The following MYOCD variants were observed in gnomAD, a reference collection of about 807,000 sequenced individuals.
The protein encoded by MYOCD is myocardin.
A neutral mutation model predicts 96.1 loss-of-function variants in MYOCD; 32 were observed. The observed-to-expected ratio is 0.33, with a 90% CI of 0.25 to 0.45. The LOEUF (loss-of-function observed/expected upper bound fraction) is 0.45, where lower values mean the gene tolerates loss of function less well. Ranked by LOEUF, MYOCD falls within the 20% of genes least tolerant of loss-of-function variation. The pLI, the probability that MYOCD is intolerant of heterozygous loss-of-function variation, is 1.00. For synonymous variants in MYOCD, 469 were observed against 469.0 expected (o/e 1.00, Z 0.00); for missense variants, 1,133 against 1,200.6 (o/e 0.94, Z 0.83).
Position 12,752,802 on chromosome 17 carries a change from C to G in MYOCD, c.1514C>G (p.Ser505Cys). 2 of 1,614,110 alleles carry G rather than the reference C, an allele frequency of 1.2e-6. No individual in the cohort carries two copies. Among genetic ancestry groups the G allele is most frequent in the South Asian group, 1.1e-5 (1 of 91,066 alleles). ...ESLMSSLNGG[S>C]VPSELDGLDS... ...CTCATGAGCAGCCTGAATGGGGGCT[C>G]TGTTCCTTCTGAGCTGGATGGGCTG... Residue 505 changes from serine (S) to cysteine (C), a missense_variant, in exon 10 of 14, where the codon TCT (serine) becomes TGT (cysteine). Ser to Cys is a moderately radical substitution (Grantham distance 112). Coordinates refer to ENST00000425538, the MANE Select transcript of MYOCD (RefSeq NM_001146312.3).
intron 10 of MYOCD, among the ~76,000 whole-genome samples, chr17:12,755,525 A>G (rs1032623399): frequency 1.3e-5 from 2 of 152,064 alleles, no homozygotes; most frequent in Non-Finnish European, 2.9e-5. Context: ...AGTGGATCAC[A>G]AGGTCAGGAG....
rs2033354699 is a variant in MYOCD, at chr17:12,766,950, AAG to A, written c.*3309_*3310del. 6.6e-6 allele frequency: 1 copy of A among 151,134 alleles called. No homozygotes were observed. The highest frequency in any genetic ancestry group is 6.6e-5 in the Admixed American group (1 of 15,136). The allele number at this position is 151,134 out of a possible 1,614,324, so 9.4% of individuals were successfully genotyped here. ...AACACATATTCTATTCTAAGGGAGA[AAG>A]AGGGAGGAAGAGAGGGAGGGAGGGA... is the stretch of plus-strand genomic sequence containing the variant. On this transcript the variant is annotated 3_prime_UTR_variant, in exon 14 of 14. Transcript: ENST00000425538.
chr17:12,733,776 A>C (rs2032250898), intron 5 of MYOCD, among the ~76,000 whole-genome samples: 1 of 151,944 alleles, frequency 6.6e-6, no homozygotes. Flanking sequence ...CTGAGGCCAG[A>C]GAATCACTTA....
At chr17:12,737,965 A>T (rs1264660780) in intron 6 of MYOCD, among the ~76,000 whole-genome samples, 3 of 152,194 alleles carry the variant, frequency 2.0e-5, no homozygotes, top group African/African-American at 7.2e-5. Flanking sequence ...CTTCCCCTGC[A>T]TGCCACAGCT....
At chr17:12,748,160 C>CAAAAAAAAAAAAAAAAA (rs58002174) in intron 9 of MYOCD, among the ~76,000 whole-genome samples, 1 of 90,592 alleles carries the variant, frequency 1.1e-5, no homozygotes, top group Non-Finnish European at 2.2e-5. Flanking sequence ...GACTCCGTCT[C>CAAAAAAAAAAAAAAAAA]AAAAAAAAAA....
chr17:12,746,356 C>T (rs1185763847), intron 9 of MYOCD, among the ~76,000 whole-genome samples: 4 of 152,216 alleles, frequency 2.6e-5, no homozygotes, highest in South Asian at 2.1e-4. Context: ...GACATGGCAC[C>T]AGTATCTGGC....
intron 7 of MYOCD, among the ~76,000 whole-genome samples, 169 bp downstream of exon 7, chr17:12,739,497 C>T (rs2032444617): frequency 6.6e-6 from 1 of 152,232 alleles, no homozygotes; most frequent in Admixed American, 6.5e-5. Context: ...AGAAATGGGT[C>T]ACCATCCTTG....
intron 11 of MYOCD, among the ~76,000 whole-genome samples, chr17:12,757,314 C>T (rs1022578830): frequency 1.3e-5 from 2 of 152,082 alleles, no homozygotes; most frequent in South Asian, 2.1e-4. Flanking sequence ...TACCACAAGT[C>T]GGAAGGGGCA....
Position 12,722,948 on chromosome 17 carries a change from C to T in MYOCD, c.355C>T (p.Leu119=). 1 of 1,613,994 alleles carries T rather than the reference C, an allele frequency of 6.2e-7. No individual in the cohort carries two copies. Among genetic ancestry groups the T allele is most frequent in the Non-Finnish European group, 8.5e-7 (1 of 1,179,954 alleles). ...NEKIALRPGP[L]ELVEKNILPV... ...AAAAATTGCTCTACGACCAGGGCCA[C>T]TGGAGCTGGTGGAAAAAAACATTCT... Residue 119 remains leucine (L), a synonymous_variant, in exon 5 of 14, where the codon CTG becomes TTG. Coordinates refer to ENST00000425538, the MANE Select transcript of MYOCD (RefSeq NM_001146312.3).
intron 1 of MYOCD, among the ~76,000 whole-genome samples, chr17:12,670,233 C>T (rs1047086657): frequency 6.6e-6 from 1 of 152,166 alleles, no homozygotes; most frequent in African/African-American, 2.4e-5. Flanking sequence ...TAGTGGGACC[C>T]ACCCCACTGT....
rs2031613693 is a variant in MYOCD at position 12,715,556 on chromosome 17, A to G, written c.159A>G (p.Lys53=). 6.2e-7 allele frequency: 1 copy of G among 1,613,814 alleles called. No homozygotes were observed. Residue 53 remains lysine (K), a synonymous_variant, in exon 3 of 14, where the codon AAA becomes AAG. Transcript: ENST00000425538. ...KRPAEFHEQR[K]HLDSDKAKNS... ...CAGCTGAATTCCATGAGCAAAGAAA[A>G]CATTTGGATAGTGACAAGGTAATTT...
At position 12,767,619 on chromosome 17, in the gene MYOCD, A is replaced by AG. The variant is rs1662265091; in HGVS notation, c.*3975_*3976insG. 6.6e-6 allele frequency: 1 copy of AG among 152,062 alleles called. No homozygotes were observed. The highest frequency in any genetic ancestry group is 2.4e-5 in the African/African-American group (1 of 41,388). The allele number at this position is 152,062 out of a possible 1,614,324, so 9.4% of individuals were successfully genotyped here. ...CCTTTCAGCTACGATGAAAAAAAAAAAGGGGTCTTCATTTTTCCAAGAGGG... is the reference window on the plus strand; with the variant it reads ...CCTTTCAGCTACGATGAAAAAAAAAAGAGGGGTCTTCATTTTTCCAAGAGGG... On this transcript the variant is annotated 3_prime_UTR_variant, in exon 14 of 14. Coordinates refer to ENST00000425538, the MANE Select transcript of MYOCD (RefSeq NM_001146312.3).
intron 1 of MYOCD, among the ~76,000 whole-genome samples, chr17:12,672,547 C>G (rs1909769783): frequency 6.6e-6 from 1 of 152,156 alleles, no homozygotes; most frequent in Non-Finnish European, 1.5e-5. Flanking sequence ...TCATTTATCC[C>G]CAGAAATTTA....
intron 1 of MYOCD, among the ~76,000 whole-genome samples, chr17:12,695,907 C>T (rs1187968776): frequency 6.6e-6 from 1 of 150,600 alleles, no homozygotes; most frequent in Non-Finnish European, 1.5e-5. Context: ...AGATGGACTA[C>T]TCTAGGTACC....
At chr17:12,677,624 A>G (rs1369983338) in intron 1 of MYOCD, among the ~76,000 whole-genome samples, 1 of 151,502 alleles carries the variant, frequency 6.6e-6, no homozygotes, top group Non-Finnish European at 1.5e-5. Flanking sequence ...AGGCAGGAGA[A>G]TGGTGTGAAC....
chr17:12,719,424 G>C (rs2031755360), intron 4 of MYOCD, among the ~76,000 whole-genome samples: 1 of 151,904 alleles, frequency 6.6e-6, no homozygotes, highest in African/African-American at 2.4e-5. Flanking sequence ...ATCAGACAAA[G>C]ATTTATCTCA....
At chr17:12,689,419 A>G (rs2030330168) in intron 1 of MYOCD, among the ~76,000 whole-genome samples, 1 of 152,232 alleles carries the variant, frequency 6.6e-6, no homozygotes, top group African/African-American at 2.4e-5. Flanking sequence ...CAAAATATTT[A>G]GGTCAGGATG....
chr17:12,708,187 C>T (rs1239570255), intron 2 of MYOCD, among the ~76,000 whole-genome samples: 1 of 152,128 alleles, frequency 6.6e-6, no homozygotes, highest in Non-Finnish European at 1.5e-5. Flanking sequence ...AGAGGTTTTT[C>T]AGATGTCCCA....
chr17:12,711,928 T>C (rs202074732), intron 2 of MYOCD, among the ~76,000 whole-genome samples: 1 of 149,882 alleles, frequency 6.7e-6, no homozygotes, highest in Admixed American at 6.6e-5. Flanking sequence ...TTTTTTCTTT[T>C]TTTTTTTTTT....
Sources: gnomAD v4.1 joint callset for allele counts (sites outside exome capture counted in the v4.1 genomes callset) on GRCh38, gnomAD v4.1.1 for gene constraint, MANE v1.5 for transcripts, NCBI Gene and HGNC (gene_info 2026-07-23, HGNC 2026-07-21) for gene names.